KATNIP: variants seen among roughly 807,000 people sequenced by gnomAD.
The protein encoded by KATNIP is katanin interacting protein.
A neutral mutation model predicts 174.0 loss-of-function variants in KATNIP; 126 were observed. The observed-to-expected ratio is 0.72, with a 90% CI of 0.63 to 0.84. The LOEUF (loss-of-function observed/expected upper bound fraction) is 0.84, where lower values mean the gene tolerates loss of function less well. Ranked by LOEUF, KATNIP falls within the 40% of genes least tolerant of loss-of-function variation. The pLI, the probability that KATNIP is intolerant of heterozygous loss-of-function variation, is 0.00. For synonymous variants in KATNIP, 810 were observed against 835.7 expected, an observed-to-expected ratio of 0.97 and a Z score of 0.53; for missense variants, 1,958 against 2,109.7, an observed-to-expected ratio of 0.93 and a Z score of 1.41.
intron 5 of KATNIP, among the ~76,000 whole-genome samples, chr16:27,640,722 G>C (rs1280543197): frequency 3.5e-5 from 4 of 114,470 alleles, no homozygotes; most frequent in Admixed American, 3.2e-4. Flanking sequence ...TCAGAACCTT[G>C]TATGCAGTCG....
intron 6 of KATNIP, among the ~76,000 whole-genome samples, chr16:27,660,239 T>C (rs2077426987): frequency 6.6e-6 from 1 of 152,086 alleles, no homozygotes; most frequent in African/African-American, 2.4e-5. Flanking sequence ...TATAAGAAAA[T>C]CTTATTCCCA....
Position 27,652,245 on chromosome 16 carries a change from T to C in KATNIP, c.540+3510T>C, listed in dbSNP as rs2077142368. The stretch of plus-strand genomic sequence containing the variant: ...AAAATGGCCAGGGGCTGCTATTTTA[T>C]ATGGAGGGTGCAGGGGCTTCCCCTT... On this transcript the variant is annotated intron_variant, in intron 6 of 27. Transcript: ENST00000261588. 2.0e-5 allele frequency among the ~76,000 whole-genome samples: 3 copies of C among 152,152 alleles called. No homozygotes were observed. In the South Asian group the frequency reaches 6.2e-4, roughly 32 times the overall value.
chr16:27,669,559 C>T (rs1388827702), intron 6 of KATNIP, among the ~76,000 whole-genome samples: 1 of 152,210 alleles, frequency 6.6e-6, no homozygotes, highest in Non-Finnish European at 1.5e-5. Flanking sequence ...AGCATGGTAT[C>T]TCTTTGAAGT....
Position 27,749,632 on chromosome 16 carries a change from A to C in KATNIP, c.2672A>C (p.Glu891Ala), listed in dbSNP as rs1176897886. The C allele has an allele frequency of 6.3e-7, 1 of 1,575,354 alleles. No individual in the cohort carries two copies. Among genetic ancestry groups the C allele is most frequent in the Non-Finnish European group, 8.6e-7 (1 of 1,161,938 alleles). The change falls in exon 16 of 28, where the codon GAG becomes GCG. Residue 891 changes from glutamate (E) to alanine (A), a missense_variant. Physicochemically the swap from Glu to Ala is moderately radical, Grantham distance 107. Coordinates refer to ENST00000261588, the MANE Select transcript of KATNIP (RefSeq NM_015202.5). ...RTPSRSRWRS[E>A]QEHTLHESWS... ...CCGTCACGGTCAAGGTGGCGCAGTG[A>C]GCAGGAGCACACACTTCACGAGTCA...
At chr16:27,657,750 A>T (rs2077345972) in intron 6 of KATNIP, among the ~76,000 whole-genome samples, 2 of 152,096 alleles carry the variant, frequency 1.3e-5, no homozygotes, top group Non-Finnish European at 2.9e-5. Flanking sequence ...TCTCTACTAA[A>T]AATACAAAAA....
In KATNIP at chr16:27,559,537, A is replaced by G. The variant is rs28430686; in HGVS notation, c.7+9360A>G. ...CCTCTACAAAAAATTGTTAAAAATT[A>G]TTTGGGCATGTTGACACATGCCTGT... On this transcript the variant is annotated intron_variant, in intron 1 of 27. Coordinates refer to ENST00000261588, the MANE Select transcript of KATNIP (RefSeq NM_015202.5). 5.2e-3 allele frequency among the ~76,000 whole-genome samples: 783 copies of G among 151,802 alleles called. 8 individuals are homozygous for G. The highest frequency in any genetic ancestry group is 0.018 in the African/African-American group (755 of 41,382).
At chr16:27,768,587 G>A (rs907390820) in intron 20 of KATNIP, among the ~76,000 whole-genome samples, 1 of 152,170 alleles carries the variant, frequency 6.6e-6, no homozygotes, top group African/African-American at 2.4e-5. Flanking sequence ...CAAAACCCCA[G>A]GAGTCATGCT....
intron 2 of KATNIP, among the ~76,000 whole-genome samples, chr16:27,590,228 T>C (rs2075122582): frequency 1.3e-5 from 2 of 152,136 alleles, no homozygotes; most frequent in East Asian, 3.8e-4. Context: ...ATTAAATTAG[T>C]CCCTGTCTTT....
rs569193904 is a variant in KATNIP at position 27,649,970 on chromosome 16, G to A, written c.540+1235G>A. The stretch of plus-strand genomic sequence containing the variant: ...GTGGGCAGATCACCTGAGATCAGGA[G>A]TTCAAGACCAGCCTGGCCATGTTGA... On this transcript the variant is annotated intron_variant, in intron 6 of 27. Coordinates refer to ENST00000261588, the MANE Select transcript of KATNIP (RefSeq NM_015202.5). Among the ~76,000 whole-genome samples, 98 of 152,282 alleles carry A rather than the reference G, an allele frequency of 6.4e-4. 1 individual carries two copies. Among genetic ancestry groups the A allele is most frequent in the African/African-American group, 2.3e-3 (95 of 41,570 alleles).
chr16:27,677,209 G>A (rs2078151012), intron 6 of KATNIP, among the ~76,000 whole-genome samples: 1 of 152,182 alleles, frequency 6.6e-6, no homozygotes, highest in Non-Finnish European at 1.5e-5. Flanking sequence ...ATGCAGGTCA[G>A]CCCCTAACAA....
chr16:27,762,043 C>T (rs2081973003), intron 19 of KATNIP, among the ~76,000 whole-genome samples: 1 of 152,206 alleles, frequency 6.6e-6, no homozygotes, highest in Non-Finnish European at 1.5e-5. Context: ...GTGGTGGCTG[C>T]ACTTTCCCCT....
rs556893649 is a variant in KATNIP, at chr16:27,748,141, C to T, written c.2624-1443C>T. The stretch of plus-strand genomic sequence containing the variant: ...AGAACAGGCCACTGCGTGGTGTGCA[C>T]GCCGTGGCTCTCATGTTCCATAAGG... On this transcript the variant is annotated intron_variant, in intron 15 of 27. Coordinates refer to ENST00000261588, the MANE Select transcript of KATNIP (RefSeq NM_015202.5). Among the ~76,000 whole-genome samples the T allele has an allele frequency of 2.2e-4, 34 of 152,312 alleles. No homozygotes were observed. In the South Asian group the frequency reaches 6.4e-3, roughly 29 times the overall value.
intron 15 of KATNIP, among the ~76,000 whole-genome samples, chr16:27,743,915 T>C (rs1171268371): frequency 6.6e-6 from 1 of 152,072 alleles, no homozygotes; most frequent in Non-Finnish European, 1.5e-5. Context: ...GTGCAAAGCC[T>C]CCAGGAGTTC....
At chr16:27,657,237 AAGTG>A (rs1258382533) in intron 6 of KATNIP, among the ~76,000 whole-genome samples, 2 of 152,048 alleles carry the variant, frequency 1.3e-5, no homozygotes, top group Non-Finnish European at 2.9e-5. Context: ...GAGAAGGAAA[AAGTG>A]GGAGGGGAGA....
At chr16:27,610,244 A>G (rs1039546833) in intron 2 of KATNIP, among the ~76,000 whole-genome samples, 4 of 152,106 alleles carry the variant, frequency 2.6e-5, no homozygotes, top group Non-Finnish European at 4.4e-5. Flanking sequence ...GCAGGAGTCC[A>G]GTCTGGGCCC....
Position 27,573,913 on chromosome 16 carries a change from G to A in KATNIP, c.20G>A (p.Arg7Gln), listed in dbSNP as rs1017998369. ...TGAACTGCGACAGGTCAGACTCTGC[G>A]AAAGGCCGAGAGAAGCTGGTCCTGC... MDGQTL[R>Q]KAERSWSCSR... The change falls in exon 2 of 28, where the codon CGA becomes CAA. Residue 7 changes from arginine (R) to glutamine (Q), a missense_variant. Coordinates refer to ENST00000261588, the MANE Select transcript of KATNIP (RefSeq NM_015202.5). 18 of 1,614,034 alleles carry A rather than the reference G, an allele frequency of 1.1e-5. No homozygotes were observed. Among genetic ancestry groups the A allele is most frequent in the Middle Eastern group, 1.6e-4 (1 of 6,084 alleles).
chr16:27,763,619 C>CAA (rs565418198), intron 19 of KATNIP, among the ~76,000 whole-genome samples: 27 of 50,698 alleles, frequency 5.3e-4, no homozygotes, highest in South Asian at 2.1e-3. Context: ...TGTCTCAACA[C>CAA]AAAAAAAAAA....
chr16:27,633,534 C>T (rs908844794), intron 5 of KATNIP, among the ~76,000 whole-genome samples: 4 of 151,370 alleles, frequency 2.6e-5, no homozygotes, highest in African/African-American at 9.7e-5. Flanking sequence ...TCAAGTGATC[C>T]TCCTGCCTCG....
rs1171717672 is a variant in KATNIP, at chr16:27,776,184, G to C, written c.4450-744G>C. ...CAGCCAGGAGGCTGGCCCTACCCGA[G>C]CAGCCGCACTCCCTCTTGGCATATT... On this transcript the variant is annotated intron_variant, in intron 24 of 27. Transcript: ENST00000261588. This position sits in a 1 kb window ranked among gnomAD's most constrained non-coding sequence, Gnocchi z 4.7. Among the ~76,000 whole-genome samples the C allele has an allele frequency of 1.3e-5, 2 of 152,156 alleles. No individual in the cohort carries two copies. Among genetic ancestry groups the C allele is most frequent in the African/African-American group, 2.4e-5 (1 of 41,438 alleles).
Sources: allele counts gnomAD v4.1 joint callset (sites outside exome capture counted in the v4.1 genomes callset), GRCh38; gene constraint gnomAD v4.1.1; non-coding constraint Gnocchi (gnomAD v3.1); transcripts MANE v1.5; gene names NCBI Gene and HGNC (gene_info 2026-07-23, HGNC 2026-07-21).